The following CATSPERB variants were observed in gnomAD, a reference collection of about 807,000 sequenced individuals.
The protein encoded by CATSPERB is cation channel sperm-associated auxiliary subunit beta.
Under a neutral mutation model 128.3 loss-of-function variants are expected in CATSPERB, and 93 were observed. That is an observed-to-expected ratio of 0.72 (90% confidence interval 0.61 to 0.86). The LOEUF (loss-of-function observed/expected upper bound fraction) is 0.86. Ranked by LOEUF, CATSPERB falls within the 40% of genes least tolerant of loss-of-function variation. The pLI, the probability that CATSPERB is intolerant of heterozygous loss-of-function variation, is 0.00. For missense variants in CATSPERB, 1,153 were observed against 1,329.5 expected, an observed-to-expected ratio of 0.87 and a Z score of 2.06; for synonymous variants, 381 against 448.8, an observed-to-expected ratio of 0.85 and a Z score of 1.91.
At chr14:91,602,938 T>A (rs1893632045) in intron 22 of CATSPERB, among the ~76,000 whole-genome samples, 1 of 152,084 alleles carries the variant, frequency 6.6e-6, no homozygotes, top group Admixed American at 6.5e-5. Flanking sequence ...TTTGCTTCCT[T>A]CTTTCTCTTC....
intron 22 of CATSPERB, among the ~76,000 whole-genome samples, chr14:91,594,287 T>G (rs1440036206): frequency 4.1e-5 from 6 of 145,832 alleles, no homozygotes; most frequent in African/African-American, 1.3e-4. Context: ...TGAGAACACA[T>G]GGACACAGGA....
At chr14:91,720,399 T>C (rs1896009330) in intron 4 of CATSPERB, among the ~76,000 whole-genome samples, 1 of 150,942 alleles carries the variant, frequency 6.6e-6, no homozygotes, top group Non-Finnish European at 1.5e-5. Context: ...TGCAGGATAC[T>C]AGATCAACAT....
chr14:91,610,351 A>T (rs1893801032), intron 21 of CATSPERB, 129 bp downstream of exon 21: 2 of 665,868 alleles, frequency 3.0e-6, no homozygotes, highest in Non-Finnish European at 5.0e-6. Context: ...TGACATGAGG[A>T]TTAAAAAATA....
At chr14:91,689,986 T>C (rs1176868314) in intron 10 of CATSPERB, among the ~76,000 whole-genome samples, 1 of 152,136 alleles carries the variant, frequency 6.6e-6, no homozygotes, top group Non-Finnish European at 1.5e-5. Context: ...TTATTTTTAA[T>C]TTAATTTATT....
At chr14:91,678,820 T>C (rs770447330) in intron 11 of CATSPERB, among the ~76,000 whole-genome samples, 120 of 152,308 alleles carry the variant, frequency 7.9e-4, no homozygotes, top group Non-Finnish European at 1.4e-3. Context: ...TTTTTTTTGA[T>C]AAATAAGACT....
chr14:91,662,426 T>G (rs974567005), intron 14 of CATSPERB, among the ~76,000 whole-genome samples: 6 of 152,324 alleles, frequency 3.9e-5, no homozygotes, highest in Admixed American at 2.6e-4. Context: ...ATTAGGTGAA[T>G]AAGATGTAAT....
Position 91,693,202 on chromosome 14 carries a change from T to C in CATSPERB, c.755A>G (p.His252Arg), listed in dbSNP as rs1645277223. ...LSLVDMVLTN[H>R]FLVILTSLGL... ...CAAAGAGGTGAGGATAACTAAAAAA[T>C]GATTCGTTAAAACCATATCCACCAA... Residue 252 changes from histidine (H) to arginine (R), a missense_variant, in exon 9 of 27, where the codon CAT becomes CGT. Coordinates refer to ENST00000256343, the MANE Select transcript of CATSPERB (RefSeq NM_024764.4). 3.1e-6 allele frequency: 5 copies of C among 1,613,762 alleles called. No homozygotes were observed. The highest frequency in any genetic ancestry group is 3.4e-6 in the Non-Finnish European group (4 of 1,179,848).
intron 10 of CATSPERB, among the ~76,000 whole-genome samples, chr14:91,687,493 A>C (rs975491541): frequency 1.3e-5 from 2 of 152,194 alleles, no homozygotes; most frequent in African/African-American, 4.8e-5. Context: ...ATGGCTGTCT[A>C]TGAACCAGGA....
Position 91,608,298 on chromosome 14 carries a change from G to A in CATSPERB, c.2705C>T (p.Ser902Leu). The change falls in exon 22 of 27, where the codon TCA (serine) becomes TTA (leucine). Residue 902 changes from serine to leucine, a missense_variant. Transcript: ENST00000256343. ...KPIPRNMFHM[S>L]KKTGKFKQCA... ...ATTTGTAAAAAAGTTATTTACCTTT[G>A]ACATGTGAAACATGTTTCTTGGTAT... 1 of 1,584,856 alleles carries A rather than the reference G, an allele frequency of 6.3e-7. No individual in the cohort carries two copies. Among genetic ancestry groups the A allele is most frequent in the Non-Finnish European group, 8.7e-7 (1 of 1,155,724 alleles).
intron 22 of CATSPERB, among the ~76,000 whole-genome samples, chr14:91,595,368 C>T (rs541734124): frequency 6.3e-4 from 94 of 150,276 alleles, no homozygotes; most frequent in African/African-American, 2.2e-3. Flanking sequence ...GGGGTTTTAC[C>T]GTGTTAGCCA....
At chr14:91,589,882 A>G (rs1383598472) in intron 23 of CATSPERB, among the ~76,000 whole-genome samples, 2 of 152,176 alleles carry the variant, frequency 1.3e-5, no homozygotes, top group Non-Finnish European at 1.5e-5. Flanking sequence ...AACAAAACTC[A>G]TCACTTCTAT....
chr14:91,718,758 A>G (rs1343430844), intron 5 of CATSPERB, among the ~76,000 whole-genome samples: 3 of 152,226 alleles, frequency 2.0e-5, no homozygotes, highest in Non-Finnish European at 4.4e-5. Flanking sequence ...TCCTTCCTAT[A>G]AGATGGCGCA....
chr14:91,679,343 T>C (rs959164933), intron 11 of CATSPERB, among the ~76,000 whole-genome samples: 1 of 152,158 alleles, frequency 6.6e-6, no homozygotes, highest in Non-Finnish European at 1.5e-5. Flanking sequence ...AATAATTTTG[T>C]ATGAGGAAAT....
intron 11 of CATSPERB, among the ~76,000 whole-genome samples, chr14:91,674,865 A>G (rs1285650): frequency 0.94 from 143,373 of 152,270 alleles, 67,515 homozygotes; most frequent in East Asian, 1. Flanking sequence ...CTGGGACAGG[A>G]CACACAGACC....
chr14:91,663,978 G>A (rs1248910608), intron 14 of CATSPERB, among the ~76,000 whole-genome samples: 1 of 152,048 alleles, frequency 6.6e-6, no homozygotes, highest in South Asian at 2.1e-4. Context: ...GTTTACATTA[G>A]GGACCATTCT....
chr14:91,665,795 G>A (rs548364587), intron 14 of CATSPERB, among the ~76,000 whole-genome samples: 25 of 152,170 alleles, frequency 1.6e-4, no homozygotes, highest in Admixed American at 7.2e-4. Context: ...ACTTGAACCC[G>A]GGAGGTGGTG....
At chr14:91,605,307 G>A in intron 22 of CATSPERB, 1 of 837,268 alleles carries the variant, frequency 1.2e-6, no homozygotes, top group Non-Finnish European at 2.0e-6. Context: ...GAACAAGCTG[G>A]AGCCACACTC....
chr14:91,582,147 C>G (rs1411284016), intron 26 of CATSPERB, among the ~76,000 whole-genome samples: 1 of 152,192 alleles, frequency 6.6e-6, no homozygotes, highest in Non-Finnish European at 1.5e-5. Flanking sequence ...TCCCAGCCCA[C>G]CAGTCCGTGT....
At chr14:91,699,234 T>C (rs1470671605) in intron 7 of CATSPERB, among the ~76,000 whole-genome samples, 2 of 152,228 alleles carry the variant, frequency 1.3e-5, no homozygotes, top group Non-Finnish European at 2.9e-5. Flanking sequence ...GTGGGATTGC[T>C]GGATCAAATG....
Sources: gnomAD v4.1 joint callset for allele counts (sites outside exome capture counted in the v4.1 genomes callset) on GRCh38, gnomAD v4.1.1 for gene constraint, MANE v1.5 for transcripts, NCBI Gene and HGNC (gene_info 2026-07-23, HGNC 2026-07-21) for gene names.